RHEX: variants seen among roughly 807,000 people sequenced by gnomAD.
RHEX encodes the protein regulator of hemoglobinization and erythroid cell expansion protein.
RHEX carries 18 observed loss-of-function variants against 20.1 expected under a neutral mutation model. The ratio of observed to expected loss-of-function variants is 0.90; its 90% CI spans 0.62 to 1.33. RHEX has a LOEUF of 1.33. Among genes scored for constraint, RHEX ranks in the 40% most tolerant of loss-of-function variants. RHEX has a pLI of 0.00. For missense variants in RHEX, 192 were observed against 214.3 expected (o/e 0.90, Z 0.65); for synonymous variants, 87 against 77.1 (o/e 1.13, Z -0.67).
At chr1:206,077,194 A>G (rs1553285367) in intron 1 of RHEX, among the ~76,000 whole-genome samples, 1 of 152,222 alleles carries the variant, frequency 6.6e-6, no homozygotes, top group African/African-American at 2.4e-5. Flanking sequence ...CTGGCCTGCA[A>G]CTGTGTTCAG....
chr1:206,084,225 A>C (rs1662791237), intron 1 of RHEX, among the ~76,000 whole-genome samples: 1 of 152,182 alleles, frequency 6.6e-6, no homozygotes, highest in South Asian at 2.1e-4. Context: ...GGAGTTTTAA[A>C]ATTTTATGAA....
At position 206,102,057 on chromosome 1, in the gene RHEX, C is replaced by A; in HGVS notation, c.*105C>A. On this transcript the variant is annotated 3_prime_UTR_variant, in exon 6 of 6. Transcript: ENST00000331555. The stretch of plus-strand genomic sequence containing the variant: ...TAAACAAGGCATGGGGCTCACAAGT[C>A]TATGGAGACAGGCCAAAAAGAATGT... 2 of 926,580 alleles carry A rather than the reference C, an allele frequency of 2.2e-6. No homozygotes were observed. The highest frequency in any genetic ancestry group is 2.9e-5 in the South Asian group (2 of 69,866). 57.4% of individuals were successfully genotyped at this position (926,580 alleles called of 1,614,324 possible). A position where few individuals can be genotyped will look rare whatever the true frequency, so the allele number is the denominator to read the frequency against.
At chr1:206,086,226 T>C (rs1662837819) in intron 1 of RHEX, among the ~76,000 whole-genome samples, 2 of 152,206 alleles carry the variant, frequency 1.3e-5, no homozygotes, top group Admixed American at 1.3e-4. Flanking sequence ...CCAGTGTTCT[T>C]ACAAGGCCTT....
intron 1 of RHEX, among the ~76,000 whole-genome samples, chr1:206,085,003 T>C (rs1662811212): frequency 6.6e-6 from 1 of 152,186 alleles, no homozygotes; most frequent in Non-Finnish European, 1.5e-5. Context: ...AGGCCTGGTC[T>C]AACTCTTCTG....
At chr1:206,101,260 C>T (rs1469080428) in intron 5 of RHEX, 63 bp downstream of exon 5, 29 of 1,348,528 alleles carry the variant, frequency 2.2e-5, no homozygotes, top group African/African-American at 1.6e-4. Flanking sequence ...TGCTGTAAAA[C>T]GCTGAAAACT....
intron 1 of RHEX, among the ~76,000 whole-genome samples, chr1:206,090,549 T>TA: frequency 6.6e-6 from 1 of 152,120 alleles, no homozygotes; most frequent in Non-Finnish European, 1.5e-5. Context: ...TTTTTGATTG[T>TA]TCTTGTGTTT....
At chr1:206,062,504 G>A (rs1651313673) in intron 1 of RHEX, among the ~76,000 whole-genome samples, 1 of 152,232 alleles carries the variant, frequency 6.6e-6, no homozygotes. Context: ...GTCTTACCCT[G>A]TCAGGAGTTA....
At chr1:206,061,276 A>C (rs1394128272) in intron 1 of RHEX, 3 of 152,212 alleles carry the variant, frequency 2.0e-5, no homozygotes, top group Non-Finnish European at 4.4e-5. Flanking sequence ...CCCTAAACCC[A>C]GCAAACAACC....
At chr1:206,101,058 C>A in intron 4 of RHEX, 78 bp from the exon 5 acceptor site, 1 of 1,132,896 alleles carries the variant, frequency 8.8e-7, no homozygotes, top group Non-Finnish European at 1.3e-6. Context: ...TAAGACAATT[C>A]TCCCTTCCAT....
chr1:206,084,960 TC>T (rs782457794), intron 1 of RHEX, among the ~76,000 whole-genome samples: 1 of 151,456 alleles, frequency 6.6e-6, no homozygotes, highest in Non-Finnish European at 1.5e-5. Flanking sequence ...AATTCTGAGC[TC>T]CCCCCAACCC....
chr1:206,088,370 TAAAC>T (rs1346233647), intron 1 of RHEX, among the ~76,000 whole-genome samples: 2 of 152,220 alleles, frequency 1.3e-5, no homozygotes, highest in East Asian at 3.8e-4. Flanking sequence ...CTATATTTGA[TAAAC>T]AAAATTATTG....
intron 3 of RHEX, 97 bp from the exon 4 acceptor site, chr1:206,099,558 A>G: frequency 8.8e-7 from 1 of 1,137,006 alleles, no homozygotes; most frequent in South Asian, 1.5e-5. Context: ...ACCTCAAGTG[A>G]TCCATTTACC....
At chr1:206,056,876 C>T (rs1035885186) in intron 1 of RHEX, among the ~76,000 whole-genome samples, 20 of 152,192 alleles carry the variant, frequency 1.3e-4, no homozygotes, top group Non-Finnish European at 2.4e-4. Context: ...ACTGGTCTTG[C>T]GTTATTTCGG....
chr1:206,084,011 G>T (rs1160626707), intron 1 of RHEX, among the ~76,000 whole-genome samples: 1 of 152,184 alleles, frequency 6.6e-6, no homozygotes, highest in Non-Finnish European at 1.5e-5. Flanking sequence ...ACCTTACAGG[G>T]TTGCTACATG....
At chr1:206,090,159 G>A (rs1258125549) in intron 1 of RHEX, among the ~76,000 whole-genome samples, 1 of 149,192 alleles carries the variant, frequency 6.7e-6, no homozygotes, top group Admixed American at 6.7e-5. Context: ...TTAAAAAGTG[G>A]TAGTCAGAAA....
chr1:206,083,102 A>G (rs1280093354), intron 1 of RHEX, among the ~76,000 whole-genome samples: 1 of 152,222 alleles, frequency 6.6e-6, no homozygotes, highest in Non-Finnish European at 1.5e-5. Flanking sequence ...CTTTGAATAC[A>G]TCACATATAG....
intron 1 of RHEX, among the ~76,000 whole-genome samples, chr1:206,057,367 A>G (rs142671971): frequency 1.3e-3 from 199 of 152,356 alleles, no homozygotes; most frequent in African/African-American, 4.5e-3. Flanking sequence ...TGAAAGTCTT[A>G]TTATTGGACA....
In RHEX at chr1:206,099,624, C is replaced by T. The variant is rs372221613; in HGVS notation, c.113-31C>T. On this transcript the variant is annotated intron_variant, in intron 3 of 5. Coordinates refer to ENST00000331555, the MANE Select transcript of RHEX (RefSeq NM_001007544.4). ...ATGAGCTACTGCGCCTGGCCAGTTTCCACTTTTGATCCCTGCCCTCTCCCT... is the reference window on the plus strand; with the variant it reads ...ATGAGCTACTGCGCCTGGCCAGTTTTCACTTTTGATCCCTGCCCTCTCCCT... The T allele has an allele frequency of 9.1e-5, 147 of 1,608,452 alleles. No homozygotes were observed. In the South Asian group the frequency reaches 1.4e-3, roughly 15 times the overall value.
intron 1 of RHEX, among the ~76,000 whole-genome samples, chr1:206,070,745 C>T (rs759064120): frequency 1.3e-5 from 2 of 152,164 alleles, no homozygotes; most frequent in East Asian, 1.9e-4. Flanking sequence ...ACAGACAATG[C>T]GCCCCTTGAA....
Sources: allele counts gnomAD v4.1 joint callset (sites outside exome capture counted in the v4.1 genomes callset), GRCh38; gene constraint gnomAD v4.1.1; transcripts MANE v1.5; gene names NCBI Gene and HGNC (gene_info 2026-07-23, HGNC 2026-07-21).